Variants in YIPF1 observed in about 807,000 individuals in gnomAD.
YIPF1 encodes protein YIPF1.
YIPF1 carries 22 observed loss-of-function variants against 37.0 expected under a neutral mutation model. The observed-to-expected ratio is 0.59, with a 90% confidence interval of 0.42 to 0.85. The LOEUF (loss-of-function observed/expected upper bound fraction) is 0.85. YIPF1 is among the 40% of genes least tolerant of loss of function. The pLI is 0.00. For missense variants in YIPF1, 355 were observed against 373.1 expected (o/e 0.95, Z 0.40); for synonymous variants, 128 against 131.9 (o/e 0.97, Z 0.21).
At chr1:53,877,988 C>T (rs1357565051) in intron 6 of YIPF1, among the ~76,000 whole-genome samples, 1 of 152,128 alleles carries the variant, frequency 6.6e-6, no homozygotes, top group Non-Finnish European at 1.5e-5. Flanking sequence ...TGCTATGTTG[C>T]CCAGACTGGT....
At chr1:53,877,934 C>A (rs903479470) in intron 6 of YIPF1, among the ~76,000 whole-genome samples, 2 of 152,146 alleles carry the variant, frequency 1.3e-5, no homozygotes, top group South Asian at 2.1e-4. Context: ...GGATTACAGG[C>A]GGCAGCCACT....
chr1:53,864,675 T>A (rs1262225656), intron 9 of YIPF1, among the ~76,000 whole-genome samples: 1 of 152,208 alleles, frequency 6.6e-6, no homozygotes, highest in Non-Finnish European at 1.5e-5. Context: ...GCCATGTCCT[T>A]TCCTTTATTA....
rs1650191588 is a variant in YIPF1, at chr1:53,871,483, AG to A, written c.369del (p.Trp125GlyfsTer10). 7.4e-6 allele frequency: 12 copies of A among 1,612,658 alleles called. No homozygotes were observed. The highest frequency in any genetic ancestry group is 1.0e-5 in the Non-Finnish European group (12 of 1,179,264). ...AAGACCAACGTGGCACATATCCAAA[AG>A]GGGCCTGCAAAGGAAACCAGAAAAT... is the stretch of plus-strand genomic sequence containing the variant. Reference protein sequence around the residue: ...YIRSNPDLYGPFWICATLVFA... With the variant: ...YIRSNPDLYGXFWICATLVFA... On this transcript the variant is annotated frameshift_variant, in exon 7 of 11. Coordinates refer to ENST00000072644, the MANE Select transcript of YIPF1 (RefSeq NM_018982.5). LOFTEE classifies it high-confidence loss of function.
At chr1:53,889,042 C>T in intron 2 of YIPF1, 56 bp from the exon 3 acceptor site, 1 of 950,732 alleles carries the variant, frequency 1.1e-6, no homozygotes, top group Non-Finnish European at 1.7e-6. Context: ...TATCTGCAAA[C>T]AACTCTTATG....
chr1:53,860,456 G>C (rs1451889954), intron 9 of YIPF1, among the ~76,000 whole-genome samples: 1 of 152,200 alleles, frequency 6.6e-6, no homozygotes, highest in African/African-American at 2.4e-5. Flanking sequence ...AAGGCTCAGA[G>C]AGACTGTCAT....
intron 7 of YIPF1, among the ~76,000 whole-genome samples, chr1:53,867,951 G>A (rs995255531): frequency 1.3e-5 from 2 of 152,118 alleles, no homozygotes; most frequent in Non-Finnish European, 2.9e-5. Flanking sequence ...CCCTCTTCTG[G>A]AGTGGAGGTC....
At position 53,878,505 on chromosome 1, in the gene YIPF1, T is replaced by C. The variant is rs1044374688; in HGVS notation, c.277-103A>G. ...GTCATTAGAGCTTTTATGATAGTATTTTCAAATGCTAATAACCCTTTACTT... is the reference window on the plus strand; with the variant it reads ...GTCATTAGAGCTTTTATGATAGTATCTTCAAATGCTAATAACCCTTTACTT... On this transcript the variant is annotated intron_variant, in intron 5 of 10. Coordinates refer to ENST00000072644, the MANE Select transcript of YIPF1 (RefSeq NM_018982.5). 8 of 1,470,830 alleles carry C rather than the reference T, an allele frequency of 5.4e-6. No individual in the cohort carries two copies. In the African/African-American group the frequency reaches 1.1e-4, roughly 21 times the overall value. 91.1% of individuals were successfully genotyped at this position (1,470,830 alleles called of 1,614,324 possible). A position where few individuals can be genotyped will look rare whatever the true frequency, so the allele number is the denominator to read the frequency against.
intron 6 of YIPF1, among the ~76,000 whole-genome samples, chr1:53,876,573 C>G (rs1339262451): frequency 6.6e-6 from 1 of 152,156 alleles, no homozygotes; most frequent in Admixed American, 6.5e-5. Context: ...GGATTCAAGC[C>G]CTGGCTTTGT....
chr1:53,882,150 A>G (rs949100077), intron 4 of YIPF1, among the ~76,000 whole-genome samples: 6 of 152,240 alleles, frequency 3.9e-5, no homozygotes, highest in Admixed American at 3.9e-4. Flanking sequence ...TATAAGTGGG[A>G]GCTGAATGGT....
At chr1:53,866,683 G>A (rs765454624) in intron 8 of YIPF1, 75 bp downstream of exon 8, 86 of 1,484,986 alleles carry the variant, frequency 5.8e-5, no homozygotes, top group Non-Finnish European at 7.2e-5. Flanking sequence ...AATGATGGTA[G>A]GTCAAATTCT....
At chr1:53,880,149 T>C (rs11206235) in intron 4 of YIPF1, among the ~76,000 whole-genome samples, 58,793 of 151,928 alleles carry the variant, frequency 0.39, 11,615 homozygotes, top group East Asian at 0.57. Context: ...TGTTTCTATA[T>C]CTAAAAAACC....
At chr1:53,863,399 C>T (rs575231786) in intron 9 of YIPF1, among the ~76,000 whole-genome samples, 10 of 152,278 alleles carry the variant, frequency 6.6e-5, no homozygotes, top group South Asian at 6.2e-4. Flanking sequence ...CAGTGTCTGA[C>T]GACACAGGCT....
rs750828946 is a variant in YIPF1 at position 53,866,246 on chromosome 1, A to G, written c.785T>C (p.Ile262Thr). 2 of 1,614,204 alleles carry G rather than the reference A, an allele frequency of 1.2e-6. No individual in the cohort carries two copies. Among genetic ancestry groups the G allele is most frequent in the Admixed American group, 1.7e-5 (1 of 60,022 alleles). The change falls in exon 9 of 11, where the codon ATT becomes ACT. Residue 262 changes from isoleucine (I) to threonine (T), a missense_variant. Coordinates refer to ENST00000072644, the MANE Select transcript of YIPF1 (RefSeq NM_018982.5). ...CATATGGAGCAACACAATTGTCACA[A>G]TTGTGGCCAATGCAACGCGTCGGTT... is the stretch of plus-strand genomic sequence containing the variant. ...EDNRRVALATIVTIVLLHMLL... is the reference protein window; with the variant it reads ...EDNRRVALATTVTIVLLHMLL...
chr1:53,883,019 C>T, intron 4 of YIPF1, 94 bp downstream of exon 4: 1 of 1,390,036 alleles, frequency 7.2e-7, no homozygotes, highest in Non-Finnish European at 9.5e-7. Context: ...GCTGTCATTG[C>T]CTGACACTGT....
chr1:53,861,622 G>A lies in YIPF1; in HGVS notation c.832-1469C>T, dbSNP rs537943489. On this transcript the variant is annotated intron_variant, in intron 9 of 10. Transcript: ENST00000072644. ...AGAGAAGGAAAGAGAGTGAGAAGGAGAGAGAGAAGGCAGGCAGGGAAGGAA... is the reference window on the plus strand; with the variant it reads ...AGAGAAGGAAAGAGAGTGAGAAGGAAAGAGAGAAGGCAGGCAGGGAAGGAA... 1.6e-3 allele frequency among the ~76,000 whole-genome samples: 231 copies of A among 142,560 alleles called. 2 individuals carry two copies. The highest frequency in any genetic ancestry group is 5.6e-3 in the African/African-American group (220 of 39,200). The allele number at this position is 142,560 out of a possible 152,430, so 93.5% of individuals were successfully genotyped here.
chr1:53,883,313 T>C (rs751087250), intron 3 of YIPF1, 37 bp from the exon 4 acceptor site: 2 of 1,492,774 alleles, frequency 1.3e-6, no homozygotes, highest in South Asian at 2.8e-5. Flanking sequence ...TCAGAAACCT[T>C]ACCCACACTA....
chr1:53,862,831 A>T (rs1173353652), intron 9 of YIPF1, among the ~76,000 whole-genome samples: 2 of 152,186 alleles, frequency 1.3e-5, no homozygotes, highest in Non-Finnish European at 2.9e-5. Context: ...GGCATGCACG[A>T]TCGGCCCCTG....
intron 3 of YIPF1, among the ~76,000 whole-genome samples, chr1:53,886,881 C>A (rs1650668895): frequency 6.6e-6 from 1 of 151,944 alleles, no homozygotes; most frequent in Non-Finnish European, 1.5e-5. Context: ...ATAAGGCTAT[C>A]TGAAGGGAGA....
At chr1:53,871,522 A>G in intron 6 of YIPF1, 34 bp from the exon 7 acceptor site, 2 of 1,507,722 alleles carry the variant, frequency 1.3e-6, no homozygotes, top group Non-Finnish European at 1.8e-6. Flanking sequence ...AGAAACAAGA[A>G]AATGAAGCAT....
Sources: allele counts gnomAD v4.1 joint callset (sites outside exome capture counted in the v4.1 genomes callset), GRCh38; gene constraint gnomAD v4.1.1; transcripts MANE v1.5; gene names NCBI Gene and HGNC (gene_info 2026-07-23, HGNC 2026-07-21).